Variants in ARHGEF37 observed in about 807,000 individuals in gnomAD.
ARHGEF37 encodes Rho guanine nucleotide exchange factor (GEF) 37.
Under a neutral mutation model 71.1 loss-of-function variants are expected in ARHGEF37, and 55 were observed. The observed-to-expected ratio is 0.77, with a 90% confidence interval of 0.62 to 0.97. The LOEUF is 0.97. ARHGEF37 is among the 50% of genes least tolerant of loss of function. The pLI, the probability that ARHGEF37 is intolerant of heterozygous loss-of-function variation, is 0.00. For synonymous variants in ARHGEF37, 327 were observed against 350.6 expected, an observed-to-expected ratio of 0.93 and a Z score of 0.75; for missense variants, 765 against 836.8, an observed-to-expected ratio of 0.91 and a Z score of 1.06.
rs937906225 is a variant in ARHGEF37, at chr5:149,634,623, G to A, written c.*2432G>A. On this transcript the variant is annotated 3_prime_UTR_variant, in exon 13 of 13. Coordinates refer to ENST00000333677, the MANE Select transcript of ARHGEF37 (RefSeq NM_001001669.3). ...ATGAGAATGGCCTGTATTTTCTCCA[G>A]GGGAATCTGTGTAATGTGCCTTTTC... The A allele has an allele frequency of 6.6e-6, 1 of 152,628 alleles. No individual in the cohort carries two copies. Among genetic ancestry groups the A allele is most frequent in the Non-Finnish European group, 1.5e-5 (1 of 68,046 alleles). 9.5% of individuals were successfully genotyped at this position (152,628 alleles called of 1,614,324 possible).
At chr5:149,602,724 A>G (rs1763793525) in intron 3 of ARHGEF37, among the ~76,000 whole-genome samples, 1 of 152,100 alleles carries the variant, frequency 6.6e-6, no homozygotes, top group Admixed American at 6.5e-5. Flanking sequence ...ATCTGCTGCC[A>G]GGATTCCCAT....
chr5:149,627,325 A>G (rs932500127), intron 11 of ARHGEF37, 54 bp downstream of exon 11: 14 of 1,566,866 alleles, frequency 8.9e-6, no homozygotes, highest in South Asian at 3.6e-5. Flanking sequence ...CACCCCACAG[A>G]AGCCGGTGCA....
intron 11 of ARHGEF37, 148 bp from the exon 12 acceptor site, chr5:149,628,661 A>AG (rs1258674820): frequency 2.0e-6 from 2 of 1,021,290 alleles, no homozygotes; most frequent in Non-Finnish European, 2.8e-6. Flanking sequence ...AGTGTGGGGC[A>AG]GGGGGGTTCA....
chr5:149,598,747 T>TAG (rs771300596), intron 2 of ARHGEF37, among the ~76,000 whole-genome samples: 1 of 73,836 alleles, frequency 1.4e-5, no homozygotes, highest in African/African-American at 5.2e-5. Context: ...CATATATATA[T>TAG]ATCTATATAT....
At chr5:149,612,800 G>A (rs954437530) in intron 4 of ARHGEF37, among the ~76,000 whole-genome samples, 2 of 152,306 alleles carry the variant, frequency 1.3e-5, no homozygotes, top group South Asian at 2.1e-4. Flanking sequence ...TAATCACCAC[G>A]CCAGCCATAA....
chr5:149,577,577 A>T (rs1763041301), upstream of ARHGEF37, among the ~76,000 whole-genome samples: 1 of 152,242 alleles, frequency 6.6e-6, no homozygotes, highest in South Asian at 2.1e-4. Flanking sequence ...AAGTTCTCTG[A>T]TTAGCTAAAC....
At chr5:149,565,913 G>A (rs562026061) in intron 1 of ARHGEF37, among the ~76,000 whole-genome samples, 3 of 139,774 alleles carry the variant, frequency 2.1e-5, no homozygotes, top group East Asian at 2.3e-4. Flanking sequence ...GCAATGGTGC[G>A]ATCTCTGCTC....
intron 1 of ARHGEF37, among the ~76,000 whole-genome samples, chr5:149,585,787 C>T (rs192718412): frequency 5.3e-5 from 8 of 152,226 alleles, no homozygotes; most frequent in East Asian, 3.9e-4. Context: ...CCAAAGTGCT[C>T]GGATTACAAG....
rs181618332 is a variant in ARHGEF37, at chr5:149,562,648, G to A, written c.-12+10525G>A. On this transcript the variant is annotated intron_variant, in intron 1 of 2. Transcript: ENST00000505810. ...TTTTTAGTAGAGACAGGGTTTCACC[G>A]TGTTAGCCAGGATGGTCTTGATCTC... Among the ~76,000 whole-genome samples the A allele has an allele frequency of 3.9e-3, 593 of 152,068 alleles. 4 individuals are homozygous for A. The highest frequency in any genetic ancestry group is 0.014 in the African/African-American group (562 of 41,474).
intron 3 of ARHGEF37, 60 bp from the exon 4 acceptor site, chr5:149,609,488 C>T: frequency 6.3e-7 from 1 of 1,589,480 alleles, no homozygotes; most frequent in Non-Finnish European, 8.6e-7. Context: ...CCTCCCTGTT[C>T]CAAGCTAGGG....
At chr5:149,609,514 C>A (rs766184237) in intron 3 of ARHGEF37, 34 bp from the exon 4 acceptor site, 34 of 1,610,490 alleles carry the variant, frequency 2.1e-5, no homozygotes, top group Non-Finnish European at 2.5e-5. Flanking sequence ...ACAGACATGC[C>A]CTTGACGACC....
chr5:149,620,303 AGATGGCCAT>A, intron 7 of ARHGEF37, 42 bp from the exon 8 acceptor site: 1 of 1,327,706 alleles, frequency 7.5e-7, no homozygotes, highest in Non-Finnish European at 1.0e-6. Context: ...TTCCAGCGTA[AGATGGCCAT>A]GACAGGCATG....
intron 1 of ARHGEF37, among the ~76,000 whole-genome samples, chr5:149,595,986 C>G (rs1763533830): frequency 1.4e-5 from 2 of 137,934 alleles, no homozygotes. Flanking sequence ...CACAGAAGTC[C>G]TTGTGGCTGG....
At position 149,626,288 on chromosome 5, in the gene ARHGEF37, G is replaced by A. The variant is rs12522108; in HGVS notation, c.1465-788G>A. On this transcript the variant is annotated intron_variant, in intron 10 of 12. Coordinates refer to ENST00000333677, the MANE Select transcript of ARHGEF37 (RefSeq NM_001001669.3). ...CACACACACACACACACACACACACGCCTCTCTCAAGACATAGAGTAAATA... is the reference window on the plus strand; with the variant it reads ...CACACACACACACACACACACACACACCTCTCTCAAGACATAGAGTAAATA... Among the ~76,000 whole-genome samples the A allele has an allele frequency of 0.012, 1,269 of 102,060 alleles. 49 individuals are homozygous for A. The East Asian group carries it at 0.17, about 14-fold the overall frequency. The allele number at this position is 102,060 out of a possible 152,430, so 67.0% of individuals were successfully genotyped here.
intron 3 of ARHGEF37, among the ~76,000 whole-genome samples, chr5:149,603,965 T>C (rs967178641): frequency 2.6e-5 from 4 of 152,166 alleles, no homozygotes; most frequent in Admixed American, 1.3e-4. Flanking sequence ...AAAGTACCTA[T>C]AGATGTTCTC....
At chr5:149,565,520 A>T (rs1228849402) in intron 1 of ARHGEF37, among the ~76,000 whole-genome samples, 1 of 152,230 alleles carries the variant, frequency 6.6e-6, no homozygotes, top group African/African-American at 2.4e-5. Context: ...GGGCAAAAGC[A>T]TACTGGCTAC....
At chr5:149,555,902 T>G (rs1168024641) in intron 1 of ARHGEF37, among the ~76,000 whole-genome samples, 1 of 151,892 alleles carries the variant, frequency 6.6e-6, no homozygotes, top group East Asian at 1.9e-4. Flanking sequence ...GATAGGAGGA[T>G]CGCTTGAGGC....
rs141065542 is a variant in ARHGEF37 at position 149,596,751 on chromosome 5, G to A, written c.-11-1008G>A. Among the ~76,000 whole-genome samples the A allele has an allele frequency of 5.2e-4, 79 of 152,304 alleles. No homozygotes were observed. The East Asian group carries it at 0.015, about 28-fold the overall frequency. Reference sequence around the variant, plus strand: ...GGATAGGAACACAGGAGGGGGCATGGCAAGTGCAAAAGCAGGAAATGCCAA... The same window carrying A: ...GGATAGGAACACAGGAGGGGGCATGACAAGTGCAAAAGCAGGAAATGCCAA... On this transcript the variant is annotated intron_variant, in intron 1 of 12. Transcript: ENST00000333677.
intron 6 of ARHGEF37, 126 bp from the exon 7 acceptor site, chr5:149,618,812 G>A: frequency 6.6e-6 from 5 of 752,702 alleles, no homozygotes; most frequent in Non-Finnish European, 1.2e-5. Flanking sequence ...CAGCTTTGGG[G>A]TTGCGAGAAC....
Sources: allele counts gnomAD v4.1 joint callset (sites outside exome capture counted in the v4.1 genomes callset), GRCh38; gene constraint gnomAD v4.1.1; transcripts MANE v1.5; gene names NCBI Gene and HGNC (gene_info 2026-07-23, HGNC 2026-07-21).